NREP: variants seen among roughly 807,000 people sequenced by gnomAD.
The protein encoded by NREP is neuronal regeneration-related protein.
Under a neutral mutation model 8.6 loss-of-function variants are expected in NREP, and 5 were observed. The ratio of observed to expected loss-of-function variants is 0.58; its 90% CI spans 0.30 to 1.22. NREP has a LOEUF of 1.22. Among genes scored for constraint, NREP ranks in the 50% most tolerant of loss-of-function variants. The pLI, the probability that NREP is intolerant of heterozygous loss-of-function variation, is 0.07. For synonymous variants in NREP, 27 were observed against 28.0 expected (o/e 0.96, Z 0.11); for missense variants, 86 against 82.5 (o/e 1.04, Z -0.17).
intron 2 of NREP, among the ~76,000 whole-genome samples, chr5:111,862,546 G>A (rs59966446): frequency 0.011 from 1,657 of 152,176 alleles, 23 homozygotes; most frequent in African/African-American, 0.03. Context: ...AGTTGGCAAC[G>A]TTCTCGAAAA....
At chr5:111,769,630 C>T (rs1751170220) in intron 2 of NREP, among the ~76,000 whole-genome samples, 1 of 152,156 alleles carries the variant, frequency 6.6e-6, no homozygotes, top group Admixed American at 6.5e-5. Flanking sequence ...AATTGGCAAA[C>T]AGTTCTGCAG....
At chr5:111,813,783 A>T (rs6894855) in intron 2 of NREP, among the ~76,000 whole-genome samples, 4 of 151,700 alleles carry the variant, frequency 2.6e-5, no homozygotes, top group African/African-American at 9.7e-5. Flanking sequence ...TCACATTCAC[A>T]ATTTCCCAGC....
At chr5:111,919,265 A>G (rs1257255219) in intron 2 of NREP, among the ~76,000 whole-genome samples, 2 of 152,140 alleles carry the variant, frequency 1.3e-5, no homozygotes, top group African/African-American at 2.4e-5. Flanking sequence ...ACTCTTTTAC[A>G]CTATTGCTGG....
chr5:111,926,731 C>T (rs1467437369), intron 2 of NREP, among the ~76,000 whole-genome samples: 2 of 151,842 alleles, frequency 1.3e-5, no homozygotes, highest in Admixed American at 1.3e-4. Context: ...AAAAGACGTC[C>T]CTTAGTCTTC....
intron 2 of NREP, among the ~76,000 whole-genome samples, chr5:111,779,463 T>A (rs1325958501): frequency 6.6e-6 from 1 of 152,148 alleles, no homozygotes; most frequent in African/African-American, 2.4e-5. Flanking sequence ...AACAATCTAA[T>A]TGGATTAGTT....
intron 2 of NREP, among the ~76,000 whole-genome samples, chr5:111,971,813 T>C (rs1202426490): frequency 1.3e-5 from 2 of 151,592 alleles, no homozygotes; most frequent in Non-Finnish European, 2.9e-5. Context: ...AACAAAAAGC[T>C]CCTTCACATG....
At chr5:111,842,372 A>G (rs976295162) in intron 2 of NREP, among the ~76,000 whole-genome samples, 4 of 152,194 alleles carry the variant, frequency 2.6e-5, no homozygotes, top group African/African-American at 9.6e-5. Flanking sequence ...AGAAACTAGC[A>G]CCAAGTTCTG....
intron 2 of NREP, among the ~76,000 whole-genome samples, chr5:111,804,639 G>T (rs548548395): frequency 2.0e-5 from 3 of 152,042 alleles, no homozygotes; most frequent in Non-Finnish European, 4.4e-5. Context: ...ACAGTTCAGG[G>T]AAAGCGCTGC....
rs887789720 is a variant in NREP at position 111,730,495 on chromosome 5, G to A, written c.*426C>T. 1 of 152,404 alleles carries A rather than the reference G, an allele frequency of 6.6e-6. No homozygotes were observed. Among genetic ancestry groups the A allele is most frequent in the African/African-American group, 2.5e-5 (1 of 40,182 alleles). 9.4% of individuals were successfully genotyped at this position (152,404 alleles called of 1,614,324 possible). A position where few individuals can be genotyped will look rare whatever the true frequency, so the allele number is the denominator to read the frequency against. On this transcript the variant is annotated 3_prime_UTR_variant, in exon 4 of 4. Coordinates refer to ENST00000257435, the MANE Select transcript of NREP (RefSeq NM_004772.4). ...ATATAGAGATATACAGACAATTGATGAACATAAACTACTAGGTTTGTTACA... is the reference window on the plus strand; with the variant it reads ...ATATAGAGATATACAGACAATTGATAAACATAAACTACTAGGTTTGTTACA...
At chr5:111,861,729 TAAC>T (rs1266936061) in intron 2 of NREP, among the ~76,000 whole-genome samples, 8 of 152,184 alleles carry the variant, frequency 5.3e-5, no homozygotes, top group African/African-American at 1.4e-4. Context: ...ATATGACCAA[TAAC>T]AATAGCTTGG....
chr5:111,866,100 T>G (rs561406398), intron 2 of NREP, among the ~76,000 whole-genome samples: 288 of 152,282 alleles, frequency 1.9e-3, no homozygotes, highest in African/African-American at 6.7e-3. Context: ...GGCAAGGACT[T>G]CATGTCTAAA....
intron 2 of NREP, among the ~76,000 whole-genome samples, chr5:111,936,897 C>A (rs150587155): frequency 6.6e-6 from 1 of 152,060 alleles, no homozygotes; most frequent in Non-Finnish European, 1.5e-5. Context: ...TATTTTCATG[C>A]GCAAGAACCG....
chr5:111,904,156 A>G (rs985523532), intron 2 of NREP, among the ~76,000 whole-genome samples: 1 of 152,088 alleles, frequency 6.6e-6, no homozygotes, highest in Non-Finnish European at 1.5e-5. Context: ...TTCTATTATT[A>G]ATATCTTGCA....
chr5:111,936,118 T>C (rs531467669), intron 2 of NREP, among the ~76,000 whole-genome samples: 1 of 152,112 alleles, frequency 6.6e-6, no homozygotes, highest in Non-Finnish European at 1.5e-5. Flanking sequence ...TTTCCTCTTC[T>C]TATAAAGACA....
At chr5:111,904,268 T>C (rs4957625) in intron 2 of NREP, among the ~76,000 whole-genome samples, 91,224 of 151,598 alleles carry the variant, frequency 0.6, 27,858 homozygotes, top group Non-Finnish European at 0.65. Flanking sequence ...CTGTTTGATG[T>C]GTTTTGACAA....
intron 2 of NREP, among the ~76,000 whole-genome samples, chr5:111,753,623 T>A (rs970062647): frequency 6.6e-6 from 1 of 152,000 alleles, no homozygotes; most frequent in African/African-American, 2.4e-5. Flanking sequence ...TGAAATTAGA[T>A]CCTCTTTAGC....
At chr5:111,793,142 C>A (rs1237002750) in intron 2 of NREP, among the ~76,000 whole-genome samples, 1 of 152,114 alleles carries the variant, frequency 6.6e-6, no homozygotes, top group African/African-American at 2.4e-5. Flanking sequence ...AACCGTATTG[C>A]CTTTTTTACA....
At chr5:111,876,212 C>CT (rs1283968362) in intron 2 of NREP, among the ~76,000 whole-genome samples, 1 of 152,134 alleles carries the variant, frequency 6.6e-6, no homozygotes, top group Non-Finnish European at 1.5e-5. Context: ...TTCTAGCTTC[C>CT]TTATGTATGT....
Position 111,730,682 on chromosome 5 carries a change from G to GT in NREP, c.*238dup, listed in dbSNP as rs1748468731. 1 of 431,154 alleles carries GT rather than the reference G, an allele frequency of 2.3e-6. No homozygotes were observed. The highest frequency in any genetic ancestry group is 3.9e-5 in the Admixed American group (1 of 25,488). The allele number at this position is 431,154 out of a possible 1,614,324, so 26.7% of individuals were successfully genotyped here. A position where few individuals can be genotyped will look rare whatever the true frequency, so the allele number is the denominator to read the frequency against. On this transcript the variant is annotated 3_prime_UTR_variant, in exon 4 of 4. Transcript: ENST00000257435. ...GCGAACCAGGCCTGAAGGCCCACCT[G>GT]TAAGGGTTGTAAACGTGGATTCACA...
Sources: gnomAD v4.1 joint callset for allele counts (sites outside exome capture counted in the v4.1 genomes callset) on GRCh38, gnomAD v4.1.1 for gene constraint, MANE v1.5 for transcripts, NCBI Gene and HGNC (gene_info 2026-07-23, HGNC 2026-07-21) for gene names.